SCNN1A: variants seen among roughly 807,000 people sequenced by gnomAD.
SCNN1A encodes epithelial sodium channel subunit alpha.
In SCNN1A, 65 loss-of-function variants were observed where a neutral mutation model predicts 68.6. The ratio of observed to expected loss-of-function variants is 0.95; its 90% confidence interval spans 0.78 to 1.16. The LOEUF (loss-of-function observed/expected upper bound fraction) is 1.16, where lower values mean the gene tolerates loss of function less well. SCNN1A is among the 50% of genes most tolerant of loss of function. SCNN1A has a pLI of 0.00. For missense variants in SCNN1A, 880 were observed against 865.9 expected (o/e 1.02, Z -0.20); for synonymous variants, 357 against 353.3 (o/e 1.01, Z -0.12).
rs759283975 is a variant in SCNN1A at position 6,363,517 on chromosome 12, G to A, written c.610C>T (p.Arg204Cys). Residue 204 changes from arginine (R) to cysteine (C), a missense_variant, in exon 3 of 13, where the codon CGT becomes TGT. Transcript: ENST00000228916. ...PPPPHGARRA[R>C]SVASSLRDNN... ...TCCCGCAAGCTGGAGGCCACGCTAC[G>A]GGCTCGACGGGCCCCGTGAGGCGGG... 17 of 1,609,272 alleles carry A rather than the reference G, an allele frequency of 1.1e-5. No individual in the cohort carries two copies. The highest frequency in any genetic ancestry group is 4.0e-5 in the African/African-American group (3 of 74,700).
chr12:6,348,196 C>T lies in SCNN1A; in HGVS notation c.1687G>A (p.Val563Met). The change falls in exon 13 of 13, where the codon GTG (valine) becomes ATG (methionine). Residue 563 changes from valine (V) to methionine (M), a missense_variant. Physicochemically the swap from Val to Met is conservative, Grantham distance 21. Coordinates refer to ENST00000228916, the MANE Select transcript of SCNN1A (RefSeq NM_001038.6). ...TCAGCCATCTCCACCACAGACAACA[C>T]CGAGGAGCCGAACCACAGGCTCCAC... ...SQWSLWFGSS[V>M]LSVVEMAELV... is the part of the protein sequence containing the mutation. The T allele has an allele frequency of 1.2e-6, 2 of 1,614,156 alleles. No homozygotes were observed. The highest frequency in any genetic ancestry group is 1.7e-6 in the Non-Finnish European group (2 of 1,180,024).
chr12:6,348,018 A>G lies in SCNN1A; in HGVS notation c.1865T>C (p.Met622Thr), dbSNP rs1948293339. 6.9e-6 allele frequency: 11 copies of G among 1,596,392 alleles called. No individual in the cohort carries two copies. The highest frequency in any genetic ancestry group is 1.1e-5 in the South Asian group (1 of 89,276). ...GCCTGGCTGGGACAAGGACAGAGAC[A>G]TGGGGTGGGGGCAGAAGTGGGAAGG... ...SPPSHFCPHP[M>T]SLSLSQPGPA... Residue 622 changes from methionine to threonine, a missense_variant, in exon 13 of 13, where the codon ATG (methionine) becomes ACG (threonine). By Grantham distance (81) the Met-to-Thr change is moderately conservative. Transcript: ENST00000228916.
At chr12:6,364,579 C>A (rs1299940233) in intron 2 of SCNN1A, among the ~76,000 whole-genome samples, 2 of 151,746 alleles carry the variant, frequency 1.3e-5, no homozygotes, top group Non-Finnish European at 2.9e-5. Flanking sequence ...CACGGTGAAA[C>A]CCCGTCTTTA....
rs113140296 is a variant in SCNN1A at position 6,351,766 on chromosome 12, A to C, written c.1361-2361T>G. ...TTGCTAATGAGTACAAGGTTTATTT[A>C]TTTATTTATCTGAGACAGGGTCTCA... On this transcript the variant is annotated intron_variant, in intron 8 of 12. Coordinates refer to ENST00000228916, the MANE Select transcript of SCNN1A (RefSeq NM_001038.6). The surrounding 1 kb of genome is among the most constrained non-coding windows in gnomAD (Gnocchi z 4.2). Among the ~76,000 whole-genome samples, 150 of 141,864 alleles carry C rather than the reference A, an allele frequency of 1.1e-3. No homozygotes were observed. The highest frequency in any genetic ancestry group is 4.6e-3 in the African/African-American group (148 of 31,836). The allele number at this position is 141,864 out of a possible 152,430, so 93.1% of individuals were successfully genotyped here. A position where few individuals can be genotyped will look rare whatever the true frequency, so the allele number is the denominator to read the frequency against.
rs72657536 is a variant in SCNN1A, at chr12:6,347,521, T to C, written c.*352A>G. The C allele has an allele frequency of 1.3e-4, 44 of 335,014 alleles. No individual in the cohort carries two copies. Among genetic ancestry groups the C allele is most frequent in the Middle Eastern group, 9.7e-4 (1 of 1,032 alleles). 20.8% of individuals were successfully genotyped at this position (335,014 alleles called of 1,614,324 possible). A position where few individuals can be genotyped will look rare whatever the true frequency, so the allele number is the denominator to read the frequency against. ...GCCTGCGTGTACCCTTGGTTGTGTT[T>C]TGTCCTGGTTATCAGCGGTTTCTTA... On this transcript the variant is annotated 3_prime_UTR_variant, in exon 13 of 13. Coordinates refer to ENST00000228916, the MANE Select transcript of SCNN1A (RefSeq NM_001038.6).
In SCNN1A at chr12:6,347,906, G is replaced by GGCCCCTGCAGA. The variant is rs1284535155; in HGVS notation, c.1966_1976dup (p.Ser660LeufsTer39). The stretch of plus-strand genomic sequence containing the variant: ...CCCCCAGAGGACAGGTGGAGGAACT[G>GGCCCCTGCAGA]GCCCCTGCAGAGCCCCCTGGAGATG... On this transcript the variant is annotated frameshift_variant, in exon 13 of 13. Coordinates refer to ENST00000228916, the MANE Select transcript of SCNN1A (RefSeq NM_001038.6). LOFTEE classifies it high-confidence loss of function. The GGCCCCTGCAGA allele has an allele frequency of 3.8e-6, 6 of 1,597,578 alleles. No homozygotes were observed. The highest frequency in any genetic ancestry group is 4.3e-6 in the Non-Finnish European group (5 of 1,171,990).
rs899675606 is a variant in SCNN1A, at chr12:6,372,588, G to A, written c.416+1780C>T. Among the ~76,000 whole-genome samples, 1 of 152,176 alleles carries A rather than the reference G, an allele frequency of 6.6e-6. No homozygotes were observed. Among genetic ancestry groups the A allele is most frequent in the African/African-American group, 2.4e-5 (1 of 41,450 alleles). On this transcript the variant is annotated intron_variant, in intron 2 of 12. Transcript: ENST00000228916. This position sits in a 1 kb window ranked among gnomAD's most constrained non-coding sequence, Gnocchi z 5.8. ...GCATCCAGCAGAACCTAAGAACTGTGCAGGCCTCACCCGATTCACCCCTGC... is the reference window on the plus strand; with the variant it reads ...GCATCCAGCAGAACCTAAGAACTGTACAGGCCTCACCCGATTCACCCCTGC...
At position 6,374,989 on chromosome 12, in the gene SCNN1A, TCCTC is replaced by T; in HGVS notation, c.-54-156_-54-153del. 2 of 1,551,720 alleles carry T rather than the reference TCCTC, an allele frequency of 1.3e-6. No individual in the cohort carries two copies. The highest frequency in any genetic ancestry group is 1.2e-5 in the South Asian group (1 of 84,546). On this transcript the variant is annotated intron_variant, in intron 1 of 12. Coordinates refer to ENST00000228916, the MANE Select transcript of SCNN1A (RefSeq NM_001038.6). The surrounding 1 kb of genome is among the most constrained non-coding windows in gnomAD (Gnocchi z 6.2). ...CCACCCTGCGCCCACATTCTCCCAC[TCCTC>T]CCTCCCTCCTCCACCTTTCCTGGAG...
intron 2 of SCNN1A, among the ~76,000 whole-genome samples, chr12:6,366,115 A>G (rs998776846): frequency 6.6e-6 from 1 of 152,106 alleles, no homozygotes; most frequent in Non-Finnish European, 1.5e-5. Context: ...CGGCCTCCCA[A>G]TGTGTTGGGA....
chr12:6,350,298 G>A (rs1019244407), intron 8 of SCNN1A, among the ~76,000 whole-genome samples: 3 of 151,570 alleles, frequency 2.0e-5, no homozygotes, highest in African/African-American at 7.2e-5. Flanking sequence ...CGGGCGTGGT[G>A]GCGGGCGCCT....
intron 4 of SCNN1A, 88 bp downstream of exon 4, chr12:6,361,963 T>C: frequency 6.9e-7 from 1 of 1,439,770 alleles, no homozygotes; most frequent in Non-Finnish European, 9.7e-7. Flanking sequence ...TCAACAAGCA[T>C]TTCCTGGGCC....
At chr12:6,349,136 C>T in intron 10 of SCNN1A, 28 bp downstream of exon 10, 1 of 1,610,700 alleles carries the variant, frequency 6.2e-7, no homozygotes, top group African/African-American at 1.3e-5. Flanking sequence ...CACACACATC[C>T]CCCACCCATC....
At chr12:6,359,958 A>G (rs897095952) in intron 4 of SCNN1A, among the ~76,000 whole-genome samples, 2 of 151,750 alleles carry the variant, frequency 1.3e-5, no homozygotes, top group African/African-American at 2.4e-5. Flanking sequence ...TCCAGTAGAG[A>G]TGGGGTTTCG....
intron 3 of SCNN1A, 65 bp from the exon 4 acceptor site, chr12:6,362,306 G>T: frequency 7.0e-7 from 1 of 1,423,056 alleles, no homozygotes; most frequent in South Asian, 1.1e-5. Flanking sequence ...GCAGGGCCAA[G>T]GGCAAAGAAT....
intron 4 of SCNN1A, among the ~76,000 whole-genome samples, chr12:6,359,441 G>C (rs377541764): frequency 6.6e-6 from 1 of 152,274 alleles, no homozygotes; most frequent in East Asian, 1.9e-4. Flanking sequence ...GTCTCATGTT[G>C]AAATGTGATC....
rs768671376 is a variant in SCNN1A at position 6,363,690 on chromosome 12, T to C, written c.437A>G (p.Glu146Gly). ...TGTGATGCGGTCCAGCTCCTCCAGC[T>C]CCTCTTTAATTTCCGGGTACCTGAA... ...NPYRYPEIKE[E>G]LEELDRITEQ... is the part of the protein sequence containing the mutation. The change falls in exon 3 of 13, where the codon GAG becomes GGG. Residue 146 changes from glutamate (E) to glycine (G), a missense_variant. Coordinates refer to ENST00000228916, the MANE Select transcript of SCNN1A (RefSeq NM_001038.6). The C allele has an allele frequency of 2.5e-6, 4 of 1,600,352 alleles. No homozygotes were observed. Among genetic ancestry groups the C allele is most frequent in the African/African-American group, 1.4e-5 (1 of 73,782 alleles).
At chr12:6,354,374 G>A in intron 8 of SCNN1A, 64 bp downstream of exon 8, 2 of 1,060,204 alleles carry the variant, frequency 1.9e-6, no homozygotes, top group Non-Finnish European at 3.0e-6. Flanking sequence ...GGGACTGAGA[G>A]GAAAAAGTGC....
rs760971071 is a variant in SCNN1A at position 6,363,674 on chromosome 12, G to GTCCAGCTCC, written c.444_452dup (p.Glu148_Leu150dup). On this transcript the variant is annotated inframe_insertion, in exon 3 of 13. Transcript: ENST00000228916. ...CAAAGAGCGTCTGCTCTGTGATGCG[G>GTCCAGCTCC]TCCAGCTCCTCCAGCTCCTCTTTAA... is the stretch of plus-strand genomic sequence containing the variant. 1.9e-6 allele frequency: 3 copies of GTCCAGCTCC among 1,605,272 alleles called. No individual in the cohort carries two copies. The highest frequency in any genetic ancestry group is 4.5e-5 in the East Asian group (2 of 44,100).
At chr12:6,353,007 G>A (rs1463934325) in intron 8 of SCNN1A, among the ~76,000 whole-genome samples, 1 of 152,236 alleles carries the variant, frequency 6.6e-6, no homozygotes, top group Non-Finnish European at 1.5e-5. Context: ...AGGGGGAACA[G>A]GCCAGCTGTG....
Sources: allele counts gnomAD v4.1 joint callset (sites outside exome capture counted in the v4.1 genomes callset), GRCh38; gene constraint gnomAD v4.1.1; non-coding constraint Gnocchi (gnomAD v3.1); transcripts MANE v1.5; gene names NCBI Gene and HGNC (gene_info 2026-07-23, HGNC 2026-07-21).